The following GRIK2 variants were observed in gnomAD, a reference collection of about 807,000 sequenced individuals.
The protein encoded by GRIK2 is glutamate receptor ionotropic, kainate 2.
In GRIK2, 32 loss-of-function variants were observed where a neutral mutation model predicts 100.3. That is an observed-to-expected ratio of 0.32 (90% confidence interval 0.24 to 0.43). The LOEUF (loss-of-function observed/expected upper bound fraction) is 0.43, where lower values mean the gene tolerates loss of function less well. Ranked by LOEUF, GRIK2 falls within the 20% of genes least tolerant of loss-of-function variation. The pLI is 1.00. For missense variants in GRIK2, 843 were observed against 1,114.9 expected (o/e 0.76, Z 3.47); for synonymous variants, 417 against 389.4 (o/e 1.07, Z -0.83).
intron 11 of GRIK2, among the ~76,000 whole-genome samples, chr6:101,864,159 A>G (rs1784911562): frequency 6.6e-6 from 1 of 151,914 alleles, no homozygotes; most frequent in Non-Finnish European, 1.5e-5. Flanking sequence ...AAAAAAAAAA[A>G]AAGAAGATGT....
At position 101,760,644 on chromosome 6, in the gene GRIK2, A is replaced by ATG. The variant is rs1170354207; in HGVS notation, c.952-39003_952-39002insGT. The stretch of plus-strand genomic sequence containing the variant: ...TATATGTTTAATTATATATAATTAT[A>ATG]TATAATTATATGTTTAATTATATAT... On this transcript the variant is annotated intron_variant, in intron 7 of 16. Coordinates refer to ENST00000369134, the MANE Select transcript of GRIK2 (RefSeq NM_021956.5). Among the ~76,000 whole-genome samples, 2 of 117,392 alleles carry ATG rather than the reference A, an allele frequency of 1.7e-5. 1 individual carries two copies. The highest frequency in any genetic ancestry group is 2.2e-4 in the Admixed American group (2 of 9,158). The allele number at this position is 117,392 out of a possible 152,430, so 77.0% of individuals were successfully genotyped here.
chr6:101,524,898 A>T, intron 2 of GRIK2, among the ~76,000 whole-genome samples: 1 of 151,794 alleles, frequency 6.6e-6, no homozygotes, highest in African/African-American at 2.4e-5. Flanking sequence ...CGCCTGGCTA[A>T]TTTTTTGTAT....
chr6:101,953,978 T>C (rs1429741693), intron 14 of GRIK2, among the ~76,000 whole-genome samples: 3 of 152,140 alleles, frequency 2.0e-5, no homozygotes, highest in Non-Finnish European at 1.5e-5. Flanking sequence ...TATGTAGATA[T>C]CAAAGTGTCC....
chr6:101,395,907 C>A (rs935398285), intron 1 of GRIK2, among the ~76,000 whole-genome samples: 6 of 151,798 alleles, frequency 4.0e-5, no homozygotes, highest in Non-Finnish European at 5.9e-5. Context: ...ATAAAGAGTG[C>A]CATATGGTTA....
At chr6:101,599,767 CA>C (rs1779111143) in intron 2 of GRIK2, among the ~76,000 whole-genome samples, 2 of 151,082 alleles carry the variant, frequency 1.3e-5, no homozygotes, top group African/African-American at 4.8e-5. Flanking sequence ...TTTGCTTGTT[CA>C]ATTGTTTAGG....
chr6:101,676,888 G>T, intron 5 of GRIK2, 84 bp downstream of exon 5: 1 of 760,068 alleles, frequency 1.3e-6, no homozygotes, highest in Non-Finnish European at 2.1e-6. Context: ...AAATATTATT[G>T]TTATGCAATC....
chr6:101,847,805 G>A (rs1020457778), intron 10 of GRIK2, among the ~76,000 whole-genome samples: 10 of 151,998 alleles, frequency 6.6e-5, no homozygotes, highest in African/African-American at 2.4e-4. Context: ...TTGACTATAC[G>A]GGAGCTTGTC....
intron 2 of GRIK2, among the ~76,000 whole-genome samples, chr6:101,617,669 T>C (rs527535023): frequency 6.6e-6 from 1 of 151,962 alleles, no homozygotes; most frequent in South Asian, 2.1e-4. Context: ...GGTTTAAATT[T>C]TCATTTTCCA....
intron 15 of GRIK2, among the ~76,000 whole-genome samples, chr6:102,045,106 T>C (rs1365526741): frequency 6.6e-6 from 1 of 152,086 alleles, no homozygotes; most frequent in Non-Finnish European, 1.5e-5. Flanking sequence ...TAAATATTAC[T>C]TAGCGTAGCT....
chr6:101,819,966 A>G (rs1781855983), intron 10 of GRIK2, among the ~76,000 whole-genome samples: 1 of 152,038 alleles, frequency 6.6e-6, no homozygotes, highest in South Asian at 2.1e-4. Flanking sequence ...ACAAATTTAA[A>G]TTTTTATATA....
At chr6:101,794,810 C>G (rs1035970510) in intron 7 of GRIK2, among the ~76,000 whole-genome samples, 4 of 138,260 alleles carry the variant, frequency 2.9e-5, no homozygotes, top group Admixed American at 7.0e-5. Context: ...TTTCTTGTGT[C>G]CTTTTCTGTC....
At chr6:101,711,345 A>G (rs1222953) in intron 7 of GRIK2, among the ~76,000 whole-genome samples, 25,357 of 151,736 alleles carry the variant, frequency 0.17, 2,548 homozygotes, top group East Asian at 0.43. Context: ...AAAATATTCT[A>G]AGTTTACTCT....
At chr6:101,888,290 T>G (rs1267557457) in intron 11 of GRIK2, among the ~76,000 whole-genome samples, 2 of 152,114 alleles carry the variant, frequency 1.3e-5, no homozygotes, top group Non-Finnish European at 2.9e-5. Flanking sequence ...AATGAACAAG[T>G]TTTCTAACTT....
chr6:101,516,083 T>C (rs1774568970), intron 2 of GRIK2, among the ~76,000 whole-genome samples: 1 of 151,966 alleles, frequency 6.6e-6, no homozygotes, highest in Non-Finnish European at 1.5e-5. Flanking sequence ...CATCTTGAGT[T>C]GAGATGATAT....
chr6:101,481,256 T>G (rs531063801), intron 2 of GRIK2, among the ~76,000 whole-genome samples: 4 of 152,316 alleles, frequency 2.6e-5, no homozygotes, highest in Admixed American at 2.6e-4. Flanking sequence ...TATAGGCTGT[T>G]TTTGGTATAT....
At chr6:101,724,225 T>C (rs1396361089) in intron 7 of GRIK2, among the ~76,000 whole-genome samples, 1 of 151,772 alleles carries the variant, frequency 6.6e-6, no homozygotes, top group Non-Finnish European at 1.5e-5. Context: ...AGGGGGTACA[T>C]GGACAGGTTT....
intron 7 of GRIK2, chr6:101,744,499 TG>T (rs1255783308): frequency 2.2e-5 from 3 of 139,044 alleles, no homozygotes; most frequent in Non-Finnish European, 3.1e-5. Flanking sequence ...ATGGTGTGTG[TG>T]TGTGTGTGTG....
chr6:102,033,137 A>T (rs890529011), intron 14 of GRIK2, among the ~76,000 whole-genome samples: 1 of 151,398 alleles, frequency 6.6e-6, no homozygotes, highest in Admixed American at 6.6e-5. Flanking sequence ...TATAAAAATT[A>T]AAAATTTTAG....
chr6:101,911,058 TA>T (rs10710841), intron 12 of GRIK2, among the ~76,000 whole-genome samples: 127,578 of 151,266 alleles, frequency 0.84, 53,895 homozygotes, highest in East Asian at 0.94. Context: ...TTCTACCATA[TA>T]AAATGTAAGG....
Sources: allele counts gnomAD v4.1 joint callset (sites outside exome capture counted in the v4.1 genomes callset), GRCh38; gene constraint gnomAD v4.1.1; transcripts MANE v1.5; gene names NCBI Gene and HGNC (gene_info 2026-07-23, HGNC 2026-07-21).